RAB10: variants seen among roughly 807,000 people sequenced by gnomAD.
RAB10 encodes the protein ras-related protein Rab-10.
A neutral mutation model predicts 25.7 loss-of-function variants in RAB10; 5 were observed. That is an observed-to-expected ratio of 0.19 (90% confidence interval 0.10 to 0.41). The LOEUF is 0.41. Among genes scored for constraint, RAB10 ranks in the 10% least tolerant of loss-of-function variants. The pLI, the probability that RAB10 is intolerant of heterozygous loss-of-function variation, is 1.00. For missense variants in RAB10, 103 were observed against 245.8 expected (o/e 0.42, Z 3.89); for synonymous variants, 89 against 86.4 (o/e 1.03, Z -0.16).
chr2:26,054,807 A>G (rs1666217689), intron 1 of RAB10, among the ~76,000 whole-genome samples: 1 of 151,998 alleles, frequency 6.6e-6, no homozygotes, highest in African/African-American at 2.4e-5. Context: ...CTTGTGATGT[A>G]ATGTCTGATT....
At chr2:26,046,788 A>G (rs182906183) in intron 1 of RAB10, among the ~76,000 whole-genome samples, 10 of 152,272 alleles carry the variant, frequency 6.6e-5, no homozygotes, top group Non-Finnish European at 1.3e-4. Context: ...AAATGGAAAA[A>G]CCATTATTCT....
chr2:26,091,525 G>C (rs1010188246), intron 1 of RAB10, among the ~76,000 whole-genome samples: 2 of 152,166 alleles, frequency 1.3e-5, no homozygotes, highest in Non-Finnish European at 2.9e-5. Context: ...GTTGAGGGCA[G>C]GGTAGAGAGG....
intron 1 of RAB10, among the ~76,000 whole-genome samples, chr2:26,057,725 T>A (rs1267222870): frequency 2.6e-5 from 4 of 151,712 alleles, no homozygotes; most frequent in Non-Finnish European, 5.9e-5. Context: ...CGAGTTCAAG[T>A]GATTCTCTCA....
At chr2:26,090,725 G>C (rs1212953702) in intron 1 of RAB10, among the ~76,000 whole-genome samples, 1 of 151,916 alleles carries the variant, frequency 6.6e-6, no homozygotes, top group Non-Finnish European at 1.5e-5. Flanking sequence ...CATAAGGCCA[G>C]GAGTTCAAGA....
chr2:26,034,498 C>G lies in RAB10; in HGVS notation c.-111C>G. ...CCCGCGCCGTCTCGAGCCTTTTTCCCACGCTTCCCCGGTCCTCCGGCCTGA... is the reference window on the plus strand; with the variant it reads ...CCCGCGCCGTCTCGAGCCTTTTTCCGACGCTTCCCCGGTCCTCCGGCCTGA... On this transcript the variant is annotated 5_prime_UTR_variant, in exon 1 of 6. Transcript: ENST00000264710. 1 of 1,458,202 alleles carries G rather than the reference C, an allele frequency of 6.9e-7. No homozygotes were observed. Among genetic ancestry groups the G allele is most frequent in the South Asian group, 1.3e-5 (1 of 78,902 alleles). The allele number at this position is 1,458,202 out of a possible 1,614,324, so 90.3% of individuals were successfully genotyped here.
intron 1 of RAB10, among the ~76,000 whole-genome samples, chr2:26,041,999 A>G (rs1665900061): frequency 6.6e-6 from 1 of 152,182 alleles, no homozygotes; most frequent in African/African-American, 2.4e-5. Context: ...TCAGTGGTTG[A>G]TTTGACCATA....
upstream of RAB10, chr2:26,034,063 C>T (rs1665699607): frequency 7.5e-6 from 3 of 401,176 alleles, no homozygotes; most frequent in Non-Finnish European, 1.3e-5. Flanking sequence ...GAGGGAAGGG[C>T]GGGCGTACGC....
intron 1 of RAB10, among the ~76,000 whole-genome samples, chr2:26,052,069 AC>A (rs1481825396): frequency 2.0e-5 from 3 of 150,808 alleles, no homozygotes; most frequent in Admixed American, 6.6e-5. Flanking sequence ...AAAAAAAAAA[AC>A]AAAAAGTCAT....
At chr2:26,091,072 C>T (rs1048455024) in intron 1 of RAB10, among the ~76,000 whole-genome samples, 57 of 152,066 alleles carry the variant, frequency 3.7e-4, no homozygotes, top group African/African-American at 1.4e-3. Flanking sequence ...AAACATGTTT[C>T]TCAGGGACTC....
intron 1 of RAB10, among the ~76,000 whole-genome samples, chr2:26,062,935 T>C (rs1209478007): frequency 6.6e-6 from 1 of 151,770 alleles, no homozygotes; most frequent in Non-Finnish European, 1.5e-5. Context: ...GCCAACGTGG[T>C]GAAACCCTGT....
chr2:26,052,034 G>A (rs1274012919), intron 1 of RAB10, among the ~76,000 whole-genome samples: 1 of 151,256 alleles, frequency 6.6e-6, no homozygotes, highest in Non-Finnish European at 1.5e-5. Flanking sequence ...TCCAGCCTGG[G>A]CAACAGAGCG....
At chr2:26,103,571 T>A (rs1312592193) in intron 2 of RAB10, among the ~76,000 whole-genome samples, 2 of 152,224 alleles carry the variant, frequency 1.3e-5, no homozygotes, top group African/African-American at 4.8e-5. Flanking sequence ...AGTCATATTT[T>A]CAGTTTGTTT....
chr2:26,047,314 T>C (rs1292774465), intron 1 of RAB10, among the ~76,000 whole-genome samples: 2 of 152,196 alleles, frequency 1.3e-5, no homozygotes, highest in African/African-American at 4.8e-5. Flanking sequence ...TGGAATCATA[T>C]AGAATGTAAC....
chr2:26,097,013 T>C (rs1290846396), intron 1 of RAB10, among the ~76,000 whole-genome samples: 1 of 152,048 alleles, frequency 6.6e-6, no homozygotes, highest in African/African-American at 2.4e-5. Context: ...CTTTGAGCGT[T>C]CGAGACCAGC....
At chr2:26,099,116 GT>G (rs1488798641) in intron 2 of RAB10, among the ~76,000 whole-genome samples, 1 of 152,064 alleles carries the variant, frequency 6.6e-6, no homozygotes, top group African/African-American at 2.4e-5. Flanking sequence ...ATTTTTATTA[GT>G]TTGTGTTAGG....
chr2:26,085,383 G>A (rs967961820), intron 1 of RAB10, among the ~76,000 whole-genome samples: 2 of 151,586 alleles, frequency 1.3e-5, no homozygotes, highest in African/African-American at 4.9e-5. Context: ...CTGGCTACTT[G>A]GGAGGTTGAG....
Position 26,135,250 on chromosome 2 carries a change from T to A in RAB10, c.*229T>A. 1 of 458,542 alleles carries A rather than the reference T, an allele frequency of 2.2e-6. No homozygotes were observed. Among genetic ancestry groups the A allele is most frequent in the Non-Finnish European group, 3.9e-6 (1 of 257,750 alleles). 28.4% of individuals were successfully genotyped at this position (458,542 alleles called of 1,614,324 possible). On this transcript the variant is annotated 3_prime_UTR_variant, in exon 6 of 6. Coordinates refer to ENST00000264710, the MANE Select transcript of RAB10 (RefSeq NM_016131.5). ...AAAATCATGTCTGTGAGTTCATTTT[T>A]AAATGTACTTGCTCAGCTCAACTGC...
At position 26,038,880 on chromosome 2, in the gene RAB10, G is replaced by A. The variant is rs913499778; in HGVS notation, c.127+4145G>A. On this transcript the variant is annotated intron_variant, in intron 1 of 5. Coordinates refer to ENST00000264710, the MANE Select transcript of RAB10 (RefSeq NM_016131.5). ...GCGGAGCTTGCAGTGAGCCGAGGTC[G>A]CACTACTGCACTTCAGCCTGGGCAA... 8.3e-5 allele frequency among the ~76,000 whole-genome samples: 12 copies of A among 143,764 alleles called. No individual in the cohort carries two copies. The East Asian group carries it at 1.7e-3, about 20-fold the overall frequency. The allele number at this position is 143,764 out of a possible 152,430, so 94.3% of individuals were successfully genotyped here.
chr2:26,113,189 G>A (rs181267509), intron 3 of RAB10, among the ~76,000 whole-genome samples: 14 of 152,288 alleles, frequency 9.2e-5, no homozygotes, highest in Non-Finnish European at 1.9e-4. Context: ...ACCTGTCAAT[G>A]TAATACACCA....
Sources: allele counts gnomAD v4.1 joint callset (sites outside exome capture counted in the v4.1 genomes callset), GRCh38; gene constraint gnomAD v4.1.1; transcripts MANE v1.5; gene names NCBI Gene and HGNC (gene_info 2026-07-23, HGNC 2026-07-21).